The following AP3S2 variants were observed in gnomAD, a reference collection of about 807,000 sequenced individuals.
AP3S2 encodes AP-3 complex subunit sigma-2.
AP3S2 carries 22 observed loss-of-function variants against 23.4 expected under a neutral mutation model. That is an observed-to-expected ratio of 0.94 (90% CI 0.67 to 1.34). AP3S2 has a LOEUF of 1.34. Among genes scored for constraint, AP3S2 ranks in the 40% most tolerant of loss-of-function variants. The pLI is 0.00. For synonymous variants in AP3S2, 86 were observed against 87.1 expected (o/e 0.99, Z 0.07); for missense variants, 241 against 236.9 (o/e 1.02, Z -0.11).
chr15:89,873,022 C>T (rs1036856807), intron 3 of AP3S2, among the ~76,000 whole-genome samples: 2 of 152,124 alleles, frequency 1.3e-5, no homozygotes, highest in Non-Finnish European at 2.9e-5. Context: ...AAACCACATA[C>T]AATAATTTCA....
At chr15:89,885,237 C>T (rs538046138) in intron 3 of AP3S2, among the ~76,000 whole-genome samples, 1 of 151,976 alleles carries the variant, frequency 6.6e-6, no homozygotes, top group East Asian at 1.9e-4. Context: ...CTCTATTGCC[C>T]AGGCTGGAGT....
intron 1 of AP3S2, among the ~76,000 whole-genome samples, chr15:89,891,099 G>C (rs1240318946): frequency 1.3e-5 from 2 of 152,126 alleles, no homozygotes; most frequent in Non-Finnish European, 2.9e-5. Flanking sequence ...TCTGACTCTG[G>C]GGGAAGTGGC....
chr15:89,860,487 C>T (rs748108725), intron 4 of AP3S2, among the ~76,000 whole-genome samples: 8 of 152,120 alleles, frequency 5.3e-5, no homozygotes, highest in Non-Finnish European at 1.2e-4. Flanking sequence ...TGATTCCCAT[C>T]CTGGAGCAGG....
At chr15:89,879,590 A>C (rs535708059) in intron 3 of AP3S2, among the ~76,000 whole-genome samples, 20 of 152,252 alleles carry the variant, frequency 1.3e-4, no homozygotes, top group African/African-American at 4.8e-4. Flanking sequence ...CTATATATAG[A>C]GTATGATTAC....
intron 4 of AP3S2, among the ~76,000 whole-genome samples, chr15:89,864,612 G>A (rs552884803): frequency 5.9e-5 from 9 of 151,886 alleles, no homozygotes; most frequent in Admixed American, 2.6e-4. Context: ...CCAGGTTGGA[G>A]GGCAGTGGTG....
chr15:89,864,654 C>T (rs769199435), intron 4 of AP3S2, among the ~76,000 whole-genome samples: 27 of 151,482 alleles, frequency 1.8e-4, no homozygotes, highest in South Asian at 1.0e-3. Context: ...AGTGATTCTC[C>T]TGCCTCAGCC....
chr15:89,892,049 G>A (rs1896832572), intron 1 of AP3S2, among the ~76,000 whole-genome samples: 1 of 152,092 alleles, frequency 6.6e-6, no homozygotes, highest in African/African-American at 2.4e-5. Context: ...AGCAATAAAA[G>A]AAATGAAGAA....
chr15:89,877,387 G>GT (rs1896468023), intron 3 of AP3S2: 2 of 1,291,336 alleles, frequency 1.5e-6, no homozygotes, highest in Non-Finnish European at 2.0e-6. Context: ...AGTTTGTAGG[G>GT]TGTTGCACTG....
intron 4 of AP3S2, among the ~76,000 whole-genome samples, chr15:89,843,239 C>T (rs1467973672): frequency 4.6e-5 from 7 of 152,030 alleles, no homozygotes; most frequent in African/African-American, 9.7e-5. Context: ...CCGCCTTGGC[C>T]TCCCAAAGTG....
chr15:89,885,713 G>A (rs1217910505), intron 3 of AP3S2, among the ~76,000 whole-genome samples: 2 of 151,916 alleles, frequency 1.3e-5, no homozygotes, highest in African/African-American at 4.8e-5. Flanking sequence ...AGGCCAAAGT[G>A]GGAAGACTGC....
intron 4 of AP3S2, among the ~76,000 whole-genome samples, chr15:89,854,058 C>G (rs1228814975): frequency 1.2e-4 from 6 of 49,512 alleles, no homozygotes; most frequent in Non-Finnish European, 2.1e-4. Flanking sequence ...CCGCCCCATC[C>G]GGGAGGGAGG....
chr15:89,893,993 G>A lies in AP3S2; in HGVS notation c.-44C>T. ...TCTCAGCACCGGCTACTCCCAGAAA[G>A]CTCCTCCTTCCGCCACAACACGATC... On this transcript the variant is annotated 5_prime_UTR_variant, in exon 1 of 6. Transcript: ENST00000336418. The A allele has an allele frequency of 1.9e-6, 3 of 1,540,196 alleles. No homozygotes were observed. Among genetic ancestry groups the A allele is most frequent in the East Asian group, 2.4e-5 (1 of 40,864 alleles).
Position 89,888,547 on chromosome 15 carries a change from C to T in AP3S2, c.247G>A (p.Glu83Lys), listed in dbSNP as rs761245997. Residue 83 changes from glutamate (E) to lysine (K), a missense_variant, in exon 3 of 6, where the codon GAA (glutamate) becomes AAA (lysine). Coordinates refer to ENST00000336418, the MANE Select transcript of AP3S2 (RefSeq NM_005829.5). ...TGGATGAGGTCCAAGATTCCAAGTTCACTCTCTGAGGAATCCACACAAAAT... is the reference window on the plus strand; with the variant it reads ...TGGATGAGGTCCAAGATTCCAAGTTTACTCTCTGAGGAATCCACACAAAAT... ...FVFCVDSSES[E>K]LGILDLIQVF... is the part of the protein sequence containing the mutation. The T allele has an allele frequency of 6.2e-7, 1 of 1,614,208 alleles. No homozygotes were observed. Among genetic ancestry groups the T allele is most frequent in the East Asian group, 2.2e-5 (1 of 44,884 alleles).
At chr15:89,848,410 G>C (rs1895548790) in intron 4 of AP3S2, among the ~76,000 whole-genome samples, 1 of 152,198 alleles carries the variant, frequency 6.6e-6, no homozygotes, top group South Asian at 2.1e-4. Context: ...GCCCAGGCTG[G>C]AGTGCAGTGG....
intron 3 of AP3S2, among the ~76,000 whole-genome samples, chr15:89,874,843 G>A (rs559413751): frequency 1.3e-5 from 2 of 152,186 alleles, no homozygotes; most frequent in Admixed American, 1.3e-4. Flanking sequence ...GATCAGTGGG[G>A]CAGAATATAA....
intron 4 of AP3S2, among the ~76,000 whole-genome samples, chr15:89,861,520 G>T (rs1328639958): frequency 6.6e-6 from 1 of 152,150 alleles, no homozygotes; most frequent in Non-Finnish European, 1.5e-5. Flanking sequence ...ATAATGTTGA[G>T]CTGTGTTTAG....
chr15:89,845,996 G>C (rs1228911039), intron 4 of AP3S2, among the ~76,000 whole-genome samples: 2 of 152,140 alleles, frequency 1.3e-5, no homozygotes, highest in Non-Finnish European at 2.9e-5. Context: ...ATTACAACCA[G>C]GATGAGTTTC....
intron 4 of AP3S2, 37 bp from the exon 5 acceptor site, chr15:89,837,759 T>C: frequency 6.2e-7 from 1 of 1,612,602 alleles, no homozygotes; most frequent in Non-Finnish European, 8.5e-7. Context: ...CAGAATACTC[T>C]GTGGTGGTCA....
rs551412915 is a variant in AP3S2, at chr15:89,881,436, G to T, written c.273+7085C>A. The stretch of plus-strand genomic sequence containing the variant: ...AAATACGCAGATTTACTTATTTGTT[G>T]ATGATAAGGCAAACCATTATTTTAT... On this transcript the variant is annotated intron_variant, in intron 3 of 5. Transcript: ENST00000336418. Among the ~76,000 whole-genome samples, 191 of 152,268 alleles carry T rather than the reference G, an allele frequency of 1.3e-3. 2 individuals are homozygous for T. The highest frequency in any genetic ancestry group is 0.011 in the Admixed American group (175 of 15,292).
Sources: allele counts gnomAD v4.1 joint callset (sites outside exome capture counted in the v4.1 genomes callset), GRCh38; gene constraint gnomAD v4.1.1; transcripts MANE v1.5; gene names NCBI Gene and HGNC (gene_info 2026-07-23, HGNC 2026-07-21).